The following ASPHD1 variants were observed in gnomAD, a reference collection of about 807,000 sequenced individuals.
ASPHD1 encodes aspartate beta-hydroxylase domain-containing protein 1.
Under a neutral mutation model 28.3 loss-of-function variants are expected in ASPHD1, and 20 were observed. The observed-to-expected ratio is 0.71, with a 90% CI of 0.50 to 1.03. The LOEUF (loss-of-function observed/expected upper bound fraction) is 1.03, where lower values mean the gene tolerates loss of function less well. Ranked by LOEUF, ASPHD1 falls within the 50% of genes least tolerant of loss-of-function variation. The pLI, the probability that ASPHD1 is intolerant of heterozygous loss-of-function variation, is 0.00. For missense variants in ASPHD1, 479 were observed against 524.1 expected (o/e 0.91, Z 0.84); for synonymous variants, 240 against 221.2 (o/e 1.08, Z -0.75).
downstream of ASPHD1, chr16:29,906,836 C>T: frequency 1.3e-6 from 2 of 1,581,290 alleles, no homozygotes; most frequent in African/African-American, 1.3e-5. Flanking sequence ...GGGACTGGGT[C>T]CCAAGGCAAG....
chr16:29,917,145 G>A (rs2068824201), intron 3 of ASPHD1, among the ~76,000 whole-genome samples: 1 of 152,126 alleles, frequency 6.6e-6, no homozygotes. Flanking sequence ...TGGTGTGGGA[G>A]GGGACTGAAC....
chr16:29,917,316 T>C (rs2068826993), intron 3 of ASPHD1, among the ~76,000 whole-genome samples: 1 of 152,122 alleles, frequency 6.6e-6, no homozygotes, highest in African/African-American at 2.4e-5. Context: ...GTGAGTTCCA[T>C]TTAGATTAAA....
chr16:29,911,807 G>T (rs773174042), intron 3 of ASPHD1: 1 of 1,612,466 alleles, frequency 6.2e-7, no homozygotes, highest in South Asian at 1.1e-5. Context: ...CCGCACCCCG[G>T]CGGTCACCTG....
chr16:29,917,334 T>C (rs1283001075), intron 3 of ASPHD1, among the ~76,000 whole-genome samples: 1 of 152,074 alleles, frequency 6.6e-6, no homozygotes, highest in African/African-American at 2.4e-5. Context: ...AAAATACCCA[T>C]ATATGAAAAA....
Position 29,905,971 on chromosome 16 carries a change from C to CCCCGCAGTAGAGAGGAGG in ASPHD1, c.*74_*75insCCCGCAGTAGAGAGGAGG. The stretch of plus-strand genomic sequence containing the variant: ...GGGACGGCTTGATGGTAGCCAGGAC[C>CCCCGCAGTAGAGAGGAGG]TCCTCTCTACTGCGGGGGTGGGCGG... On this transcript the variant is annotated 3_prime_UTR_variant, in exon 3 of 3. Transcript: ENST00000308748. The CCCCGCAGTAGAGAGGAGG allele has an allele frequency of 3.0e-6, 3 of 999,902 alleles. No homozygotes were observed. The highest frequency in any genetic ancestry group is 1.4e-5 in the South Asian group (1 of 70,340). 61.9% of individuals were successfully genotyped at this position (999,902 alleles called of 1,614,324 possible).
At chr16:29,912,767 A>G (rs915378904) in intron 3 of ASPHD1, among the ~76,000 whole-genome samples, 2 of 152,222 alleles carry the variant, frequency 1.3e-5, no homozygotes, top group African/African-American at 2.4e-5. Flanking sequence ...CACAGCAGTT[A>G]GTGTCTGACT....
chr16:29,919,460 C>T (rs2068869451), intron 3 of ASPHD1: 1 of 152,116 alleles, frequency 6.6e-6, no homozygotes, highest in Admixed American at 6.6e-5. Flanking sequence ...ATACCTATAA[C>T]TCTTATCATC....
intron 3 of ASPHD1, chr16:29,911,127 G>C: frequency 6.2e-7 from 1 of 1,614,176 alleles, no homozygotes; most frequent in Non-Finnish European, 8.5e-7. Context: ...CGCAGGGCCA[G>C]CTTGTCGAAC....
At chr16:29,905,649 AAAAAG>A in intron 2 of ASPHD1, 134 bp from the exon 3 acceptor site, 3 of 462,736 alleles carry the variant, frequency 6.5e-6, no homozygotes, top group South Asian at 8.0e-5. Flanking sequence ...AAAAAAAAAA[AAAAAG>A]ATTTGATACA....
chr16:29,915,028 A>G (rs1003698782), intron 3 of ASPHD1: 1 of 152,102 alleles, frequency 6.6e-6, no homozygotes, highest in African/African-American at 2.4e-5. Flanking sequence ...AGTCATACAT[A>G]TAAGTCACTG....
intron 1 of ASPHD1, among the ~76,000 whole-genome samples, chr16:29,902,876 A>AT (rs1157464686): frequency 1.4e-4 from 14 of 97,466 alleles, no homozygotes; most frequent in South Asian, 2.9e-4. Flanking sequence ...CCAAACTGAG[A>AT]TTTTTTCTTT....
chr16:29,901,566 C>T lies in ASPHD1; in HGVS notation c.595C>T (p.Pro199Ser), dbSNP rs747965116. The change falls in exon 1 of 3, where the codon CCC becomes TCC. Residue 199 changes from proline to serine, a missense_variant. Transcript: ENST00000308748. This position sits in a 1 kb window ranked among gnomAD's most constrained non-coding sequence, Gnocchi z 5.1. Reference protein sequence around the residue: ...LLFLPDLPSAPFVPRDAQRHD... With the variant: ...LLFLPDLPSASFVPRDAQRHD... ...TTTCCTACCAGACCTGCCTTCAGCC[C>T]CCTTTGTGCCGCGGGACGCCCAGCG... 4 of 1,547,210 alleles carry T rather than the reference C, an allele frequency of 2.6e-6. No homozygotes were observed. Among genetic ancestry groups the T allele is most frequent in the Non-Finnish European group, 3.5e-6 (4 of 1,154,098 alleles).
At chr16:29,913,121 A>ATTTTTTT (rs35756092) in intron 3 of ASPHD1, 4 of 126,920 alleles carry the variant, frequency 3.2e-5, no homozygotes, top group East Asian at 4.3e-4. Flanking sequence ...TACTGAGGCC[A>ATTTTTTT]TTTTTTTTTT....
chr16:29,916,140 CA>C (rs2150839737), intron 3 of ASPHD1, among the ~76,000 whole-genome samples: 1 of 152,300 alleles, frequency 6.6e-6, no homozygotes, highest in South Asian at 2.1e-4. Flanking sequence ...TCTGCCGCTA[CA>C]CAAGGATCTC....
chr16:29,905,461 A>G (rs1272928749), intron 2 of ASPHD1, among the ~76,000 whole-genome samples: 2 of 151,868 alleles, frequency 1.3e-5, no homozygotes, highest in East Asian at 1.9e-4. Context: ...CCCCGTCTCT[A>G]TTAAACATAC....
rs765278930 is a variant in ASPHD1, at chr16:29,901,080, G to C, written c.109G>C (p.Ala37Pro). The C allele has an allele frequency of 2.7e-5, 44 of 1,611,546 alleles. No individual in the cohort carries two copies. Among genetic ancestry groups the C allele is most frequent in the Non-Finnish European group, 3.7e-5 (44 of 1,178,862 alleles). Residue 37 changes from alanine to proline, a missense_variant, in exon 1 of 3, where the codon GCA becomes CCA. Ala to Pro is a conservative substitution (Grantham distance 27, BLOSUM62 -1). Coordinates refer to ENST00000308748, the MANE Select transcript of ASPHD1 (RefSeq NM_181718.4). This position sits in a 1 kb window ranked among gnomAD's most constrained non-coding sequence, Gnocchi z 5.1. ...KGNSPAGSQG[A>P]AMEGTGGELG... The stretch of plus-strand genomic sequence containing the variant: ...AAACAGTCCAGCGGGGAGCCAGGGG[G>C]CAGCCATGGAAGGGACAGGTGGGGA...
chr16:29,916,967 G>T (rs983976191), intron 3 of ASPHD1, among the ~76,000 whole-genome samples: 2 of 152,234 alleles, frequency 1.3e-5, no homozygotes. Context: ...AGGGATGCCT[G>T]AGTGTCCTCA....
chr16:29,908,945 A>G (rs889243466), downstream of ASPHD1, among the ~76,000 whole-genome samples: 10 of 151,898 alleles, frequency 6.6e-5, no homozygotes, highest in Admixed American at 5.9e-4. Flanking sequence ...CCCCTGCCTC[A>G]GCCTCCTAAA....
downstream of ASPHD1, among the ~76,000 whole-genome samples, chr16:29,910,378 CACA>C (rs1213297382): frequency 4.6e-5 from 7 of 151,662 alleles, no homozygotes; most frequent in Non-Finnish European, 1.0e-4. Flanking sequence ...AGCCTGGTGA[CACA>C]ACGAGACTCC....
Sources: gnomAD v4.1 joint callset for allele counts (sites outside exome capture counted in the v4.1 genomes callset) on GRCh38, gnomAD v4.1.1 for gene constraint, Gnocchi (gnomAD v3.1) non-coding constraint, MANE v1.5 for transcripts, NCBI Gene and HGNC (gene_info 2026-07-23, HGNC 2026-07-21) for gene names.